SORCS2: variants seen among roughly 807,000 people sequenced by gnomAD.
SORCS2 encodes sortilin related VPS10 domain containing receptor 2.
SORCS2 carries 100 observed loss-of-function variants against 141.6 expected under a neutral mutation model. The ratio of observed to expected loss-of-function variants is 0.71; its 90% CI spans 0.60 to 0.83. The LOEUF (loss-of-function observed/expected upper bound fraction) is 0.83, where lower values mean the gene tolerates loss of function less well. SORCS2 is among the 40% of genes least tolerant of loss of function. SORCS2 has a pLI of 0.00. For missense variants in SORCS2, 1,646 were observed against 1,560.2 expected, an observed-to-expected ratio of 1.05 and a Z score of -0.93; for synonymous variants, 789 against 676.9, an observed-to-expected ratio of 1.17 and a Z score of -2.57.
chr4:7,657,493 GAATGAGTAAA>G (rs1560461393), intron 5 of SORCS2, among the ~76,000 whole-genome samples: 4 of 86,898 alleles, frequency 4.6e-5, no homozygotes, highest in Non-Finnish European at 1.1e-4. Flanking sequence ...GTCAATGAAT[GAATGAGTAAA>G]TGAATGAGTA....
At chr4:7,527,197 C>T (rs562313973) in intron 2 of SORCS2, among the ~76,000 whole-genome samples, 5 of 152,378 alleles carry the variant, frequency 3.3e-5, no homozygotes, top group East Asian at 3.9e-4. Context: ...ACCTCGGACC[C>T]GGCTCAAATG....
At chr4:7,371,622 C>G (rs180729928) in intron 1 of SORCS2, among the ~76,000 whole-genome samples, 2 of 152,244 alleles carry the variant, frequency 1.3e-5, no homozygotes, top group East Asian at 3.9e-4. Context: ...ATGCCGGCAT[C>G]GTGATCTGGA....
At chr4:7,339,899 G>C (rs186873570) in intron 1 of SORCS2, among the ~76,000 whole-genome samples, 1 of 152,324 alleles carries the variant, frequency 6.6e-6, no homozygotes. Context: ...CCCAACCCAG[G>C]CTCTGCCAAG....
chr4:7,596,135 C>T (rs1192578866), intron 3 of SORCS2, among the ~76,000 whole-genome samples: 2 of 152,188 alleles, frequency 1.3e-5, no homozygotes, highest in Non-Finnish European at 2.9e-5. Flanking sequence ...TATCGGAAGA[C>T]ATAAGACAAT....
chr4:7,649,964 G>A (rs1361901037), intron 4 of SORCS2, among the ~76,000 whole-genome samples: 1 of 152,162 alleles, frequency 6.6e-6, no homozygotes, highest in Non-Finnish European at 1.5e-5. Context: ...AGCAGATGTG[G>A]CCTCTGATCC....
chr4:7,683,628 T>G (rs1338088845), intron 10 of SORCS2, among the ~76,000 whole-genome samples: 1 of 152,190 alleles, frequency 6.6e-6, no homozygotes, highest in Non-Finnish European at 1.5e-5. Flanking sequence ...GACCTGGGAA[T>G]TGTACTCTGC....
At chr4:7,572,238 C>T (rs371558104) in intron 3 of SORCS2, among the ~76,000 whole-genome samples, 1 of 152,186 alleles carries the variant, frequency 6.6e-6, no homozygotes, top group Non-Finnish European at 1.5e-5. Context: ...TTTTCAGTCA[C>T]TTTCCCCATT....
chr4:7,391,979 G>A (rs571865863), intron 1 of SORCS2, among the ~76,000 whole-genome samples: 35 of 152,342 alleles, frequency 2.3e-4, no homozygotes, highest in Middle Eastern at 3.4e-3. Context: ...GGCAGCTGCT[G>A]CCGGACCGGC....
chr4:7,445,986 CT>C (rs1164347028), intron 2 of SORCS2, among the ~76,000 whole-genome samples: 1 of 133,850 alleles, frequency 7.5e-6, no homozygotes, highest in Non-Finnish European at 1.6e-5. Context: ...CTCGAAGCTG[CT>C]TTCTTTCCTT....
At chr4:7,262,057 G>A (rs1374875427) in intron 1 of SORCS2, among the ~76,000 whole-genome samples, 3 of 152,208 alleles carry the variant, frequency 2.0e-5, no homozygotes, top group East Asian at 1.9e-4. Context: ...TGTGTGTGAT[G>A]AAATTAGCTT....
At chr4:7,577,570 A>G (rs1228529202) in intron 3 of SORCS2, among the ~76,000 whole-genome samples, 2 of 146,214 alleles carry the variant, frequency 1.4e-5, no homozygotes, top group African/African-American at 5.1e-5. Flanking sequence ...TGGAGAAGTT[A>G]TATAGCATAC....
chr4:7,220,444 G>A (rs1220888946), intron 1 of SORCS2, among the ~76,000 whole-genome samples: 1 of 152,194 alleles, frequency 6.6e-6, no homozygotes, highest in Non-Finnish European at 1.5e-5. Flanking sequence ...ATGAGTGGAT[G>A]AAGTCCTGGC....
At chr4:7,646,520 C>T (rs1340851995) in intron 4 of SORCS2, among the ~76,000 whole-genome samples, 2 of 152,032 alleles carry the variant, frequency 1.3e-5, no homozygotes. Context: ...GTGGTGCACA[C>T]TGATACTCCC....
chr4:7,258,057 C>T lies in SORCS2; in HGVS notation c.480+64931C>T, dbSNP rs540874786. 4.6e-5 allele frequency among the ~76,000 whole-genome samples: 7 copies of T among 152,356 alleles called. No individual in the cohort carries two copies. In the South Asian group the frequency reaches 1.4e-3, roughly 32 times the overall value. On this transcript the variant is annotated intron_variant, in intron 1 of 26. Transcript: ENST00000507866. ...TCCTTCAGTGTTGGGGGAGTGGTGG[C>T]TTCCAGCAGGGGCGGAGTGCTTCCG...
At position 7,286,918 on chromosome 4, in the gene SORCS2, A is replaced by G. The variant is rs183717758; in HGVS notation, c.480+93792A>G. ...TGAAAGTGGGTCCGAGTGAGGAGAC[A>G]CAAGTCAGCAGAGGCAGAGAGAGGG... On this transcript the variant is annotated intron_variant, in intron 1 of 26. Coordinates refer to ENST00000507866, the MANE Select transcript of SORCS2 (RefSeq NM_020777.3). The surrounding 1 kb of genome is among the most constrained non-coding windows in gnomAD (Gnocchi z 4.1). 1.1e-4 allele frequency among the ~76,000 whole-genome samples: 17 copies of G among 152,320 alleles called. No individual in the cohort carries two copies. The highest frequency in any genetic ancestry group is 1.0e-3 in the Admixed American group (16 of 15,306).
intron 19 of SORCS2, among the ~76,000 whole-genome samples, chr4:7,724,947 G>A (rs1325331032): frequency 5.1e-3 from 419 of 82,476 alleles, no homozygotes; most frequent in African/African-American, 0.02. Context: ...GGTGATGGTG[G>A]TGGTGTTGGT....
intron 2 of SORCS2, among the ~76,000 whole-genome samples, chr4:7,447,990 G>A (rs113532800): frequency 8.5e-5 from 13 of 152,270 alleles, no homozygotes; most frequent in African/African-American, 2.6e-4. Context: ...CACATATGCC[G>A]CTGTGCTGCC....
At position 7,663,697 on chromosome 4, in the gene SORCS2, A is replaced by G. The variant is rs905773125; in HGVS notation, c.953-656A>G. Among the ~76,000 whole-genome samples, 1 of 152,052 alleles carries G rather than the reference A, an allele frequency of 6.6e-6. No individual in the cohort carries two copies. The highest frequency in any genetic ancestry group is 1.5e-5 in the Non-Finnish European group (1 of 68,016). ...CATTCTCCATGCTGCCGGGTCACCCAAGGCTGGGGGCAGGAGGAGGAGGAA... is the reference window on the plus strand; with the variant it reads ...CATTCTCCATGCTGCCGGGTCACCCGAGGCTGGGGGCAGGAGGAGGAGGAA... On this transcript the variant is annotated intron_variant, in intron 6 of 26. Transcript: ENST00000507866. The surrounding 1 kb of genome is among the most constrained non-coding windows in gnomAD (Gnocchi z 4.8).
At chr4:7,482,009 T>C (rs566428694) in intron 2 of SORCS2, among the ~76,000 whole-genome samples, 22 of 79,192 alleles carry the variant, frequency 2.8e-4, no homozygotes, top group African/African-American at 8.7e-4. Flanking sequence ...CCCTGGCTGC[T>C]GTTCAGACCT....
Sources: allele counts gnomAD v4.1 joint callset (sites outside exome capture counted in the v4.1 genomes callset), GRCh38; gene constraint gnomAD v4.1.1; non-coding constraint Gnocchi (gnomAD v3.1); transcripts MANE v1.5; gene names NCBI Gene and HGNC (gene_info 2026-07-23, HGNC 2026-07-21).